The following MTUS1 variants were observed in gnomAD, a reference collection of about 807,000 sequenced individuals.
MTUS1 encodes the protein microtubule associated scaffold protein 1, also known as microtubule-associated tumor suppressor 1.
In MTUS1, 109 loss-of-function variants were observed where a neutral mutation model predicts 120.8. The ratio of observed to expected loss-of-function variants is 0.90; its 90% confidence interval spans 0.77 to 1.06. MTUS1 has a LOEUF of 1.06. MTUS1 is among the 50% of genes least tolerant of loss of function. The pLI, the probability that MTUS1 is intolerant of heterozygous loss-of-function variation, is 0.00. For synonymous variants in MTUS1, 737 were observed against 550.5 expected (o/e 1.34, Z -4.74); for missense variants, 2,210 against 1,486.3 (o/e 1.49, Z -8.01).
intron 8 of MTUS1, among the ~76,000 whole-genome samples, chr8:17,668,281 C>T (rs1811313479): frequency 6.6e-6 from 1 of 152,132 alleles, no homozygotes; most frequent in Non-Finnish European, 1.5e-5. Flanking sequence ...TGGCACTAGA[C>T]AATTCTTCTT....
chr8:17,698,598 T>G (rs1404251989), intron 6 of MTUS1, among the ~76,000 whole-genome samples: 2 of 152,204 alleles, frequency 1.3e-5, no homozygotes, highest in Non-Finnish European at 2.9e-5. Context: ...ATTGTTACCA[T>G]AAATAACACT....
chr8:17,671,087 C>T (rs1811922399), intron 8 of MTUS1, among the ~76,000 whole-genome samples: 1 of 151,988 alleles, frequency 6.6e-6, no homozygotes, highest in Non-Finnish European at 1.5e-5. Flanking sequence ...ATATGTCTGT[C>T]AAACTGATGG....
intron 4 of MTUS1, chr8:17,722,204 A>C: frequency 9.7e-7 from 1 of 1,027,944 alleles, no homozygotes; most frequent in Non-Finnish European, 1.2e-6. Context: ...CCTCCTTAGG[A>C]GCATCAGACA....
At chr8:17,788,210 T>C (rs764975969) in intron 1 of MTUS1, among the ~76,000 whole-genome samples, 2 of 152,210 alleles carry the variant, frequency 1.3e-5, no homozygotes, top group Non-Finnish European at 2.9e-5. Context: ...TCAAAACTCA[T>C]ATAATTGCAC....
chr8:17,678,998 G>C (rs1394215178), intron 7 of MTUS1, among the ~76,000 whole-genome samples: 2 of 152,144 alleles, frequency 1.3e-5, no homozygotes, highest in African/African-American at 4.8e-5. Context: ...AACAGAGTGT[G>C]ACATTAGTTC....
At chr8:17,671,515 G>A (rs117081011) in intron 8 of MTUS1, among the ~76,000 whole-genome samples, 1,727 of 152,290 alleles carry the variant, frequency 0.011, 20 homozygotes, top group Non-Finnish European at 0.019. Context: ...AAGAACCAGT[G>A]CTTCCATGAA....
At chr8:17,734,547 G>C (rs1022987687) in intron 3 of MTUS1, among the ~76,000 whole-genome samples, 13 of 152,154 alleles carry the variant, frequency 8.5e-5, no homozygotes, top group African/African-American at 2.9e-4. Flanking sequence ...ACCTGCCTCT[G>C]CAAGTATGTT....
At chr8:17,795,547 C>T (rs1345478770) in intron 1 of MTUS1, among the ~76,000 whole-genome samples, 2 of 151,370 alleles carry the variant, frequency 1.3e-5, no homozygotes, top group African/African-American at 4.9e-5. Context: ...TGAGTTCACA[C>T]TGTGTCCTAG....
chr8:17,788,196 T>A (rs1033522019), intron 1 of MTUS1, among the ~76,000 whole-genome samples: 1 of 152,344 alleles, frequency 6.6e-6, no homozygotes, highest in Non-Finnish European at 1.5e-5. Context: ...CCAATATGTA[T>A]TTGTCAAAAC....
rs1822178364 is a variant in MTUS1, at chr8:17,715,683, C to T, written c.2584+84G>A. 5 of 1,345,774 alleles carry T rather than the reference C, an allele frequency of 3.7e-6. No individual in the cohort carries two copies. In the South Asian group the frequency reaches 7.2e-5, roughly 19 times the overall value. 83.4% of individuals were successfully genotyped at this position (1,345,774 alleles called of 1,614,324 possible). ...TAATCATTGTTGACTATACCATAAA[C>T]CTAATTGTCAAAATTTAACTTTCTA... On this transcript the variant is annotated intron_variant, in intron 5 of 14. Transcript: ENST00000693296.
chr8:17,685,561 A>C (rs1815605029), intron 6 of MTUS1, among the ~76,000 whole-genome samples: 1 of 152,218 alleles, frequency 6.6e-6, no homozygotes, highest in Non-Finnish European at 1.5e-5. Context: ...ACAACTTTTA[A>C]AGAAATTTAG....
chr8:17,770,674 G>A (rs1395028018), intron 1 of MTUS1: 1 of 152,212 alleles, frequency 6.6e-6, no homozygotes, highest in Non-Finnish European at 1.5e-5. Context: ...TAATAGGGCT[G>A]AGTGTAACGA....
At chr8:17,669,842 T>C (rs1811650485) in intron 8 of MTUS1, among the ~76,000 whole-genome samples, 1 of 121,062 alleles carries the variant, frequency 8.3e-6, no homozygotes, top group African/African-American at 2.7e-5. Context: ...AGAAAACTCC[T>C]TCTAAAAAAC....
chr8:17,744,040 T>A (rs922998782), intron 2 of MTUS1, among the ~76,000 whole-genome samples: 2 of 152,200 alleles, frequency 1.3e-5, no homozygotes, highest in Non-Finnish European at 2.9e-5. Context: ...AGACTCTTTA[T>A]AGCAAAAAGA....
At chr8:17,697,232 A>G (rs768269108) in intron 6 of MTUS1, 1 of 1,594,166 alleles carries the variant, frequency 6.3e-7, no homozygotes, top group Non-Finnish European at 8.6e-7. Context: ...GTGCAACACT[A>G]AACAGAGATC....
chr8:17,653,589 A>C (rs1183787189), intron 10 of MTUS1, 91 bp from the exon 11 acceptor site: 10 of 897,026 alleles, frequency 1.1e-5, no homozygotes, highest in Non-Finnish European at 1.6e-5. Context: ...GTAGGGGTTG[A>C]TGATGAAGCC....
intron 1 of MTUS1, among the ~76,000 whole-genome samples, chr8:17,769,346 A>T (rs1309850907): frequency 9.4e-6 from 1 of 106,030 alleles, no homozygotes. Context: ...TTAGTCAGTA[A>T]TTTTTTTTTT....
intron 1 of MTUS1, among the ~76,000 whole-genome samples, chr8:17,779,003 G>A (rs1449859083): frequency 2.6e-5 from 4 of 152,060 alleles, no homozygotes; most frequent in Non-Finnish European, 5.9e-5. Context: ...CAAAAAAATA[G>A]ACACAACTAT....
At chr8:17,682,208 T>G (rs1266751004) in intron 7 of MTUS1, among the ~76,000 whole-genome samples, 3 of 152,024 alleles carry the variant, frequency 2.0e-5, no homozygotes, top group Admixed American at 2.0e-4. Context: ...ACAAGCCTAA[T>G]GATTGGTTAA....
Sources: gnomAD v4.1 joint callset for allele counts (sites outside exome capture counted in the v4.1 genomes callset) on GRCh38, gnomAD v4.1.1 for gene constraint, MANE v1.5 for transcripts, NCBI Gene and HGNC (gene_info 2026-07-23, HGNC 2026-07-21) for gene names.